Variants in PLXDC2 observed in about 807,000 individuals in gnomAD.
PLXDC2 encodes plexin domain-containing protein 2.
PLXDC2 carries 40 observed loss-of-function variants against 68.9 expected under a neutral mutation model. The observed-to-expected ratio is 0.58, with a 90% CI of 0.45 to 0.76. The LOEUF (loss-of-function observed/expected upper bound fraction) is 0.76. Among genes scored for constraint, PLXDC2 ranks in the 30% least tolerant of loss-of-function variants. The probability of loss-of-function intolerance (pLI) is 0.00; values close to 1 mark genes in which losing one functional copy is unlikely to be tolerated. For synonymous variants in PLXDC2, 243 were observed against 234.2 expected, an observed-to-expected ratio of 1.04 and a Z score of -0.34; for missense variants, 644 against 661.9, an observed-to-expected ratio of 0.97 and a Z score of 0.30.
intron 2 of PLXDC2, among the ~76,000 whole-genome samples, chr10:20,021,420 C>A (rs1478933062): frequency 6.6e-6 from 1 of 152,040 alleles, no homozygotes; most frequent in Non-Finnish European, 1.5e-5. Context: ...CTTTCCCTCC[C>A]CTTGACAGGC....
chr10:20,057,356 A>T (rs1344533882), intron 3 of PLXDC2, among the ~76,000 whole-genome samples: 4 of 152,112 alleles, frequency 2.6e-5, no homozygotes, highest in African/African-American at 9.7e-5. Flanking sequence ...GTAGGTTAGT[A>T]TTTCAGTATA....
intron 1 of PLXDC2, among the ~76,000 whole-genome samples, chr10:19,959,291 T>G (rs1834119388): frequency 6.6e-6 from 1 of 152,160 alleles, no homozygotes; most frequent in Non-Finnish European, 1.5e-5. Context: ...GTCTTGGTGT[T>G]TCTGAGAAAC....
chr10:19,989,650 T>G (rs899458016), intron 1 of PLXDC2, among the ~76,000 whole-genome samples: 2 of 152,138 alleles, frequency 1.3e-5, no homozygotes, highest in East Asian at 3.8e-4. Context: ...ATATTTTAAT[T>G]GTTTTCTTAT....
In PLXDC2 at chr10:20,164,558, C is replaced by A. The variant is rs1166567305; in HGVS notation, c.874C>A (p.Gln292Lys). The change falls in exon 7 of 14, where the codon CAA becomes AAA. Residue 292 changes from glutamine (Q) to lysine (K), a missense_variant. Physicochemically the swap from Gln to Lys is moderately conservative, Grantham distance 53. Around this residue, in one of 3 missense-constraint regions of PLXDC2, gnomAD observed 330 missense variants for 327.9 expected, o/e 1.01. Transcript: ENST00000377252. ...ATTTGTCGTTGTCCACAGGATCCAA[C>A]AAATTCCCAGTACGTAGAAGAAGGG... ...DAFVVVHRIQ[Q>K]IPNVRRRTIY... 1 of 1,610,872 alleles carries A rather than the reference C, an allele frequency of 6.2e-7. No homozygotes were observed. Among genetic ancestry groups the A allele is most frequent in the Non-Finnish European group, 8.5e-7 (1 of 1,177,372 alleles).
chr10:20,192,070 G>A (rs1167894757), intron 9 of PLXDC2, among the ~76,000 whole-genome samples: 1 of 152,048 alleles, frequency 6.6e-6, no homozygotes, highest in Non-Finnish European at 1.5e-5. Context: ...TATAAATTAA[G>A]TAAATGAGAA....
intron 13 of PLXDC2, among the ~76,000 whole-genome samples, chr10:20,252,452 A>T (rs940002460): frequency 5.3e-5 from 8 of 152,226 alleles, no homozygotes; most frequent in Admixed American, 4.6e-4. Flanking sequence ...AGACACTTTT[A>T]AAATTATGTA....
intron 13 of PLXDC2, among the ~76,000 whole-genome samples, chr10:20,248,735 A>G (rs1835632909): frequency 1.3e-5 from 2 of 152,348 alleles, no homozygotes; most frequent in African/African-American, 4.8e-5. Context: ...CACAATGACC[A>G]TGGTTTGTGA....
chr10:20,201,821 C>T (rs1168155330), intron 9 of PLXDC2, among the ~76,000 whole-genome samples: 1 of 152,050 alleles, frequency 6.6e-6, no homozygotes, highest in Non-Finnish European at 1.5e-5. Flanking sequence ...AGACTATCAA[C>T]TTGGAAAAGC....
At chr10:20,237,850 C>A (rs1017671303) in intron 12 of PLXDC2, among the ~76,000 whole-genome samples, 1 of 152,130 alleles carries the variant, frequency 6.6e-6, no homozygotes, top group Non-Finnish European at 1.5e-5. Context: ...TTATGGGCTG[C>A]AGTGTTTCAT....
At chr10:19,978,886 T>A (rs1196397796) in intron 1 of PLXDC2, among the ~76,000 whole-genome samples, 1 of 152,206 alleles carries the variant, frequency 6.6e-6, no homozygotes, top group Non-Finnish European at 1.5e-5. Flanking sequence ...TAAGAGTAAG[T>A]TCTCATAATT....
intron 3 of PLXDC2, among the ~76,000 whole-genome samples, chr10:20,066,248 C>T (rs1371842248): frequency 2.0e-5 from 3 of 152,156 alleles, no homozygotes; most frequent in Non-Finnish European, 2.9e-5. Flanking sequence ...ATCTATTTGT[C>T]CTCAAGAAAA....
intron 1 of PLXDC2, among the ~76,000 whole-genome samples, chr10:19,954,214 G>C (rs927232670): frequency 1.3e-5 from 2 of 152,046 alleles, no homozygotes; most frequent in African/African-American, 4.8e-5. Flanking sequence ...ATAAGCTTTT[G>C]GTATATTGAC....
At chr10:20,273,517 G>A (rs1835965451) in intron 13 of PLXDC2, among the ~76,000 whole-genome samples, 1 of 150,622 alleles carries the variant, frequency 6.6e-6, no homozygotes, top group Admixed American at 6.7e-5. Context: ...CATATACATA[G>A]AGCACGATAT....
intron 4 of PLXDC2, among the ~76,000 whole-genome samples, chr10:20,107,741 A>G (rs1277918045): frequency 2.0e-5 from 3 of 152,116 alleles, no homozygotes; most frequent in Admixed American, 1.3e-4. Flanking sequence ...ATTAGAGTTT[A>G]TTCAGTTTAT....
At chr10:20,211,389 G>T (rs973528195) in intron 9 of PLXDC2, among the ~76,000 whole-genome samples, 4 of 152,112 alleles carry the variant, frequency 2.6e-5, no homozygotes. Context: ...TCTTATCTTT[G>T]TGCAGGGATC....
chr10:20,236,899 C>T (rs1835439822), intron 12 of PLXDC2, among the ~76,000 whole-genome samples: 2 of 151,938 alleles, frequency 1.3e-5, no homozygotes, highest in Non-Finnish European at 2.9e-5. Context: ...ATCCCAAATC[C>T]CTCATTTTGA....
Position 20,001,763 on chromosome 10 carries a change from T to C in PLXDC2, c.113-12T>C, listed in dbSNP as rs576321607. 2.6e-5 allele frequency: 42 copies of C among 1,613,412 alleles called. No individual in the cohort carries two copies. Among genetic ancestry groups the C allele is most frequent in the Non-Finnish European group, 3.4e-5 (40 of 1,179,470 alleles). On this transcript the variant is annotated splice_polypyrimidine_tract_variant and intron_variant, in intron 1 of 13. Coordinates refer to ENST00000377252, the MANE Select transcript of PLXDC2 (RefSeq NM_032812.9). ...AATGAGTGGTAACCCATTTTCTTTCTTTTTCAAACAGATTGGCAGTATGGA... is the reference window on the plus strand; with the variant it reads ...AATGAGTGGTAACCCATTTTCTTTCCTTTTCAAACAGATTGGCAGTATGGA...
intron 2 of PLXDC2, among the ~76,000 whole-genome samples, chr10:20,010,597 T>TG (rs1471136425): frequency 6.6e-6 from 1 of 152,240 alleles, no homozygotes; most frequent in Non-Finnish European, 1.5e-5. Flanking sequence ...GATGCTTCAC[T>TG]GTTAGCTAAT....
chr10:19,893,978 C>T (rs1244055612), intron 1 of PLXDC2, among the ~76,000 whole-genome samples: 1 of 152,156 alleles, frequency 6.6e-6, no homozygotes, highest in Non-Finnish European at 1.5e-5. Flanking sequence ...CTCTTCACTG[C>T]CCTAGAGTTG....
Sources: allele counts gnomAD v4.1 joint callset (sites outside exome capture counted in the v4.1 genomes callset), GRCh38; gene constraint gnomAD v4.1.1; regional missense constraint gnomAD v4.1.1; transcripts MANE v1.5; gene names NCBI Gene and HGNC (gene_info 2026-07-23, HGNC 2026-07-21).